The following AGBL1 variants were observed in gnomAD, a reference collection of about 807,000 sequenced individuals.
The protein encoded by AGBL1 is AGBL carboxypeptidase 1, also known as cytosolic carboxypeptidase 4.
Under a neutral mutation model 118.9 loss-of-function variants are expected in AGBL1, and 130 were observed. That is an observed-to-expected ratio of 1.09 (90% confidence interval 0.95 to 1.26). AGBL1 has a LOEUF of 1.26. AGBL1 is among the 50% of genes most tolerant of loss of function. The probability of loss-of-function intolerance (pLI) is 0.00; values close to 1 mark genes in which losing one functional copy is unlikely to be tolerated. For missense variants in AGBL1, 1,584 were observed against 1,298.1 expected, an observed-to-expected ratio of 1.22 and a Z score of -3.38; for synonymous variants, 555 against 478.9, an observed-to-expected ratio of 1.16 and a Z score of -2.08.
In AGBL1 at chr15:86,410,864, A is replaced by ACATAT. The variant is rs1177475352; in HGVS notation, c.2555+13318_2555+13319insCATAT. On this transcript the variant is annotated intron_variant, in intron 18 of 22. Transcript: ENST00000614907. ...TATAATATACTATTTTATATATAAAATATATAATATATATTATAATATATA... is the reference window on the plus strand; with the variant it reads ...TATAATATACTATTTTATATATAAAACATATTATATAATATATATTATAATATATA... Among the ~76,000 whole-genome samples, 85 of 105,574 alleles carry ACATAT rather than the reference A, an allele frequency of 8.1e-4. 1 individual carries two copies. Among genetic ancestry groups the ACATAT allele is most frequent in the South Asian group, 2.8e-3 (10 of 3,624 alleles). 69.3% of individuals were successfully genotyped at this position (105,574 alleles called of 152,430 possible).
intron 1 of AGBL1, among the ~76,000 whole-genome samples, chr15:86,091,910 TGATG>T (rs1896053416): frequency 6.6e-6 from 1 of 152,192 alleles, no homozygotes; most frequent in African/African-American, 2.4e-5. Context: ...TAAGTACCTT[TGATG>T]GATCAACTAA....
chr15:86,474,282 C>T (rs2082521547), intron 18 of AGBL1, among the ~76,000 whole-genome samples: 1 of 152,152 alleles, frequency 6.6e-6, no homozygotes, highest in African/African-American at 2.4e-5. Flanking sequence ...CAAGGCATTG[C>T]CTCATCCAGG....
At chr15:86,453,389 A>G (rs1219937626) in intron 18 of AGBL1, among the ~76,000 whole-genome samples, 3 of 152,248 alleles carry the variant, frequency 2.0e-5, no homozygotes, top group African/African-American at 4.8e-5. Context: ...TACAGGCACA[A>G]TGGTATTAAT....
intron 22 of AGBL1, among the ~76,000 whole-genome samples, chr15:86,893,348 A>T (rs924866021): frequency 2.6e-5 from 4 of 152,192 alleles, no homozygotes; most frequent in African/African-American, 9.6e-5. Context: ...ACAAGTGATA[A>T]AAAGAATCCG....
At chr15:86,844,849 T>C (rs1323799854) in intron 22 of AGBL1, among the ~76,000 whole-genome samples, 1 of 152,174 alleles carries the variant, frequency 6.6e-6, no homozygotes, top group Non-Finnish European at 1.5e-5. Flanking sequence ...TCTTATGTTC[T>C]ATGAGTCAAT....
At chr15:86,170,094 T>C (rs2141748796) in intron 5 of AGBL1, among the ~76,000 whole-genome samples, 1 of 152,312 alleles carries the variant, frequency 6.6e-6, no homozygotes, top group South Asian at 2.1e-4. Context: ...GATGTTATAA[T>C]TATTAGGCAA....
At chr15:86,160,099 G>GTTTT (rs1162570173) in intron 5 of AGBL1, among the ~76,000 whole-genome samples, 5 of 110,278 alleles carry the variant, frequency 4.5e-5, no homozygotes, top group African/African-American at 7.2e-5. Flanking sequence ...GGGAACTGTG[G>GTTTT]TTTTTTTTTT....
intron 17 of AGBL1, among the ~76,000 whole-genome samples, chr15:86,301,759 AC>A (rs1452638837): frequency 6.6e-6 from 1 of 151,684 alleles, no homozygotes; most frequent in Admixed American, 6.6e-5. Flanking sequence ...CAGCGGAAGC[AC>A]AGAGAAGAGA....
intron 5 of AGBL1, among the ~76,000 whole-genome samples, chr15:86,178,315 AAAAC>A (rs1028162705): frequency 3.5e-4 from 53 of 152,316 alleles, no homozygotes; most frequent in Middle Eastern, 3.4e-3. Context: ...CTGCCAAAAC[AAAAC>A]AAACAAACAA....
intron 22 of AGBL1, among the ~76,000 whole-genome samples, chr15:86,780,179 C>T (rs537631249): frequency 1.7e-5 from 2 of 115,646 alleles, no homozygotes; most frequent in Admixed American, 2.1e-4. Flanking sequence ...AGGAACAAGA[C>T]ACATTTTCTT....
intron 21 of AGBL1, among the ~76,000 whole-genome samples, chr15:86,581,949 A>G (rs1425847491): frequency 2.0e-5 from 3 of 152,176 alleles, no homozygotes; most frequent in Non-Finnish European, 4.4e-5. Context: ...TCCTAAAAGT[A>G]TTACTGAAGC....
At chr15:86,461,931 A>G (rs1252098489) in intron 18 of AGBL1, among the ~76,000 whole-genome samples, 1 of 152,172 alleles carries the variant, frequency 6.6e-6, no homozygotes, top group Non-Finnish European at 1.5e-5. Flanking sequence ...ACGGCTTGCA[A>G]CATCCGTTGC....
intron 9 of AGBL1, among the ~76,000 whole-genome samples, chr15:86,259,779 G>A (rs1156577709): frequency 1.3e-5 from 2 of 152,194 alleles, no homozygotes; most frequent in Non-Finnish European, 2.9e-5. Flanking sequence ...ATTCATCAAT[G>A]CCACTTTCCC....
chr15:86,433,226 T>TCTTCTCCTCCTC lies in AGBL1; in HGVS notation c.2555+35695_2555+35706dup, dbSNP rs557427226. ...GCTCCTTTCCTCCTCTTCTTCTTCT[T>TCTTCTCCTCCTC]CTTCTCCTCCTCCTTCTCCTCCTCC... is the stretch of plus-strand genomic sequence containing the variant. On this transcript the variant is annotated intron_variant, in intron 18 of 22. Coordinates refer to ENST00000614907, the MANE Select transcript of AGBL1 (RefSeq NM_001386094.1). 1.9e-3 allele frequency among the ~76,000 whole-genome samples: 283 copies of TCTTCTCCTCCTC among 146,850 alleles called. 3 individuals carry two copies. Among genetic ancestry groups the TCTTCTCCTCCTC allele is most frequent in the Middle Eastern group, 0.011 (3 of 282 alleles).
At chr15:86,543,076 T>C (rs886503352) in intron 19 of AGBL1, among the ~76,000 whole-genome samples, 1 of 152,206 alleles carries the variant, frequency 6.6e-6, no homozygotes, top group Non-Finnish European at 1.5e-5. Context: ...TATTTTTTCA[T>C]GTGTTCTTAG....
intron 5 of AGBL1, among the ~76,000 whole-genome samples, chr15:86,202,825 T>C (rs2077928897): frequency 6.6e-6 from 1 of 152,216 alleles, no homozygotes; most frequent in Admixed American, 6.5e-5. Context: ...GGCAAAGCCC[T>C]GGTGCTAAGT....
chr15:86,582,882 G>T, intron 21 of AGBL1, among the ~76,000 whole-genome samples: 2 of 121,986 alleles, frequency 1.6e-5, no homozygotes, highest in Admixed American at 9.0e-5. Flanking sequence ...GAGGGGGGAG[G>T]GATAGCATTA....
intron 22 of AGBL1, among the ~76,000 whole-genome samples, chr15:86,811,883 G>A (rs761819595): frequency 1.3e-5 from 2 of 152,116 alleles, no homozygotes; most frequent in Non-Finnish European, 2.9e-5. Context: ...TATCTACCAG[G>A]TACATTAATT....
At chr15:86,088,987 G>A (rs1829582021) in intron 1 of AGBL1, among the ~76,000 whole-genome samples, 15 of 152,088 alleles carry the variant, frequency 9.9e-5, no homozygotes, top group Admixed American at 9.8e-4. Context: ...CATGGTAGGT[G>A]CTCAATAAAT....
Sources: allele counts gnomAD v4.1 joint callset (sites outside exome capture counted in the v4.1 genomes callset), GRCh38; gene constraint gnomAD v4.1.1; transcripts MANE v1.5; gene names NCBI Gene and HGNC (gene_info 2026-07-23, HGNC 2026-07-21).